Variants in SLC12A3 observed in about 807,000 individuals in gnomAD.
SLC12A3 encodes solute carrier family 12 member 3.
A neutral mutation model predicts 121.0 loss-of-function variants in SLC12A3; 104 were observed. The ratio of observed to expected loss-of-function variants is 0.86; its 90% CI spans 0.73 to 1.01. SLC12A3 has a LOEUF of 1.01. SLC12A3 is among the 50% of genes least tolerant of loss of function. The pLI is 0.00. For missense variants in SLC12A3, 1,328 were observed against 1,356.3 expected (o/e 0.98, Z 0.33); for synonymous variants, 536 against 533.4 (o/e 1.00, Z -0.07).
chr16:56,866,997 G>A (rs569136721), intron 1 of SLC12A3, 73 bp from the exon 2 acceptor site: 1 of 1,589,254 alleles, frequency 6.3e-7, no homozygotes, highest in East Asian at 2.2e-5. Context: ...AGTGGTGCAG[G>A]TCAGTGGGCT....
At chr16:56,897,571 GT>G (rs2055482335) in intron 22 of SLC12A3, among the ~76,000 whole-genome samples, 1 of 152,224 alleles carries the variant, frequency 6.6e-6, no homozygotes, top group Non-Finnish European at 1.5e-5. Context: ...TAAGGAAAGT[GT>G]TGCTTGGGAA....
chr16:56,878,236 A>C, intron 9 of SLC12A3, 75 bp downstream of exon 9: 1 of 1,128,408 alleles, frequency 8.9e-7, no homozygotes, highest in South Asian at 1.2e-5. Context: ...AACCCTGACC[A>C]CTGGAGGGGA....
chr16:56,898,253 G>GTTTT (rs1567444598), intron 22 of SLC12A3, among the ~76,000 whole-genome samples: 2 of 151,442 alleles, frequency 1.3e-5, no homozygotes, highest in Non-Finnish European at 2.9e-5. Context: ...AGTTTGATTT[G>GTTTT]GTTTTGTTTT....
intron 10 of SLC12A3, 140 bp from the exon 11 acceptor site, chr16:56,879,402 T>C: frequency 9.5e-7 from 1 of 1,050,546 alleles, no homozygotes; most frequent in Non-Finnish European, 1.4e-6. Flanking sequence ...GGGTGGACAC[T>C]GGGATCTCCA....
Position 56,867,190 on chromosome 16 carries a change from C to G in SLC12A3, c.403C>G (p.Arg135Gly). Residue 135 changes from arginine (R) to glycine (G), a missense_variant, in exon 2 of 26, where the codon CGC becomes GGC. By Grantham distance (125) the Arg-to-Gly change is moderately radical. Transcript: ENST00000563236. ...SSEKNPEEPV[R>G]FGWVKGVMIR... ...CGAGAAGAACCCCGAGGAGCCAGTG[C>G]GCTTCGGCTGGGTCAAGGGGGTGAT... The G allele has an allele frequency of 6.2e-7, 1 of 1,612,704 alleles. No homozygotes were observed.
At chr16:56,877,751 C>A (rs1460780561) in intron 8 of SLC12A3, among the ~76,000 whole-genome samples, 3 of 152,128 alleles carry the variant, frequency 2.0e-5, no homozygotes, top group African/African-American at 4.8e-5. Flanking sequence ...TCACAGCAAA[C>A]CCTGGCCAAG....
intron 22 of SLC12A3, among the ~76,000 whole-genome samples, chr16:56,897,512 T>C (rs1193066600): frequency 1.3e-5 from 2 of 152,214 alleles, no homozygotes; most frequent in Non-Finnish European, 2.9e-5. Context: ...CACTTTGTCC[T>C]CACCCCCACT....
intron 25 of SLC12A3, among the ~76,000 whole-genome samples, chr16:56,911,137 C>A (rs59515242): frequency 0.17 from 26,559 of 152,198 alleles, 2,424 homozygotes; most frequent in East Asian, 0.24. Context: ...GAAATCATGT[C>A]CTATTTCCTG....
chr16:56,913,460 CT>C lies in SLC12A3; in HGVS notation c.*57del. On this transcript the variant is annotated 3_prime_UTR_variant, in exon 26 of 26. Transcript: ENST00000563236. ...TCTGAGTGTGTGGGATAAGTTGGAA[CT>C]TGATTGCCTCTAGTCCACAGGGATG... 1 of 1,559,362 alleles carries C rather than the reference CT, an allele frequency of 6.4e-7. No homozygotes were observed. Among genetic ancestry groups the C allele is most frequent in the Non-Finnish European group, 8.8e-7 (1 of 1,130,064 alleles).
At chr16:56,907,570 A>C (rs576264590) in intron 25 of SLC12A3, among the ~76,000 whole-genome samples, 1 of 152,344 alleles carries the variant, frequency 6.6e-6, no homozygotes, top group East Asian at 1.9e-4. Flanking sequence ...CAATAACAGA[A>C]ATTTATTTCT....
intron 8 of SLC12A3, among the ~76,000 whole-genome samples, chr16:56,877,649 A>G (rs2055180159): frequency 6.6e-6 from 1 of 152,180 alleles, no homozygotes; most frequent in African/African-American, 2.4e-5. Flanking sequence ...CCGGGGTGTG[A>G]GAGCACAGCC....
At chr16:56,891,892 C>G (rs912634409) in intron 19 of SLC12A3, among the ~76,000 whole-genome samples, 191 bp from the exon 20 acceptor site, 36 of 152,166 alleles carry the variant, frequency 2.4e-4, no homozygotes, top group African/African-American at 7.7e-4. Flanking sequence ...GGAGGCCATG[C>G]GCGACTGGAA....
chr16:56,885,419 C>T, intron 15 of SLC12A3, 55 bp downstream of exon 15: 3 of 1,175,912 alleles, frequency 2.6e-6, no homozygotes, highest in Non-Finnish European at 3.7e-6. Flanking sequence ...ATGGCTCCAC[C>T]CTGGGAGTTT....
Position 56,886,904 on chromosome 16 carries a change from C to T in SLC12A3, c.2038-49C>T, listed in dbSNP as rs371747126. ...GGCAGGAGAGGGGTTGAATCTCAGG[C>T]TGGAGGGTGAAGGCAGCTGGTGATG... On this transcript the variant is annotated intron_variant, in intron 16 of 25. Coordinates refer to ENST00000563236, the MANE Select transcript of SLC12A3 (RefSeq NM_001126108.2). 41 of 1,611,650 alleles carry T rather than the reference C, an allele frequency of 2.5e-5. No individual in the cohort carries two copies. The African/African-American group carries it at 5.1e-4, about 20-fold the overall frequency.
At chr16:56,871,246 G>A (rs537008943) in intron 6 of SLC12A3, among the ~76,000 whole-genome samples, 33 of 152,292 alleles carry the variant, frequency 2.2e-4, no homozygotes, top group Non-Finnish European at 3.8e-4. Flanking sequence ...CCATCCCTGC[G>A]CCGTGGCCTT....
Position 56,865,504 on chromosome 16 carries a change from A to G in SLC12A3, c.269A>G (p.His90Arg). 1 of 1,612,368 alleles carries G rather than the reference A, an allele frequency of 6.2e-7. No individual in the cohort carries two copies. Among genetic ancestry groups the G allele is most frequent in the Non-Finnish European group, 8.5e-7 (1 of 1,179,968 alleles). The change falls in exon 1 of 26, where the codon CAC (histidine) becomes CGC (arginine). Residue 90 changes from histidine to arginine, a missense_variant. Physicochemically the swap from His to Arg is conservative, Grantham distance 29. Transcript: ENST00000563236. ...RKVRPTLADL[H>R]SFLKQEGRHL... ...GTCCGGCCCACACTGGCTGACCTGC[A>G]CTCCTTCCTCAAGGTAAGTGCTGTC...
chr16:56,889,147 T>C (rs2055357004), intron 18 of SLC12A3, among the ~76,000 whole-genome samples: 4 of 150,998 alleles, frequency 2.6e-5, no homozygotes, highest in African/African-American at 9.6e-5. Flanking sequence ...AACATGAGGC[T>C]GAGGGTTGGG....
intron 1 of SLC12A3, 121 bp downstream of exon 1, chr16:56,865,638 TG>T (rs1964336770): frequency 1.8e-6 from 2 of 1,118,238 alleles, no homozygotes; most frequent in South Asian, 2.6e-5. Flanking sequence ...GTCTTCTTCC[TG>T]GGTTGAGAGG....
intron 25 of SLC12A3, among the ~76,000 whole-genome samples, chr16:56,913,060 A>G (rs1210742699): frequency 6.6e-6 from 1 of 152,142 alleles, no homozygotes; most frequent in Non-Finnish European, 1.5e-5. Flanking sequence ...CTTGTGGGCC[A>G]TGGCTTTGTT....
Sources: gnomAD v4.1 joint callset for allele counts (sites outside exome capture counted in the v4.1 genomes callset) on GRCh38, gnomAD v4.1.1 for gene constraint, MANE v1.5 for transcripts, NCBI Gene and HGNC (gene_info 2026-07-23, HGNC 2026-07-21) for gene names.